The following KDM1A variants were observed in gnomAD, a reference collection of about 807,000 sequenced individuals.
KDM1A encodes lysine demethylase 1A.
In KDM1A, 49 loss-of-function variants were observed where a neutral mutation model predicts 109.4. The observed-to-expected ratio is 0.45, with a 90% CI of 0.36 to 0.57. The LOEUF (loss-of-function observed/expected upper bound fraction) is 0.57. Among genes scored for constraint, KDM1A ranks in the 20% least tolerant of loss-of-function variants. KDM1A has a pLI of 0.00. For synonymous variants in KDM1A, 380 were observed against 415.4 expected (o/e 0.91, Z 1.04); for missense variants, 668 against 1,116.6 (o/e 0.60, Z 5.73).
chr1:23,083,643 TTTTG>T lies in KDM1A; in HGVS notation c.*283_*286del, dbSNP rs755283892. On this transcript the variant is annotated 3_prime_UTR_variant, in exon 21 of 21. Coordinates refer to ENST00000400181, the MANE Select transcript of KDM1A (RefSeq NM_001009999.3). ...ATCTTAGTCCCTTGGTGTGTGGGGT[TTTTG>T]TTTTTTTTTTATATTTTGAGAATAA... 1.4e-4 allele frequency: 32 copies of T among 233,336 alleles called. No homozygotes were observed. The highest frequency in any genetic ancestry group is 1.4e-4 in the African/African-American group (4 of 29,516). The allele number at this position is 233,336 out of a possible 1,614,324, so 14.5% of individuals were successfully genotyped here. A position where few individuals can be genotyped will look rare whatever the true frequency, so the allele number is the denominator to read the frequency against.
intron 2 of KDM1A, among the ~76,000 whole-genome samples, chr1:23,040,593 C>T (rs947604390): frequency 4.0e-5 from 6 of 150,854 alleles, no homozygotes; most frequent in African/African-American, 1.2e-4. Context: ...CAAAAACAGC[C>T]TGGGCAACAT....
At chr1:23,056,075 T>C (rs888263190) in intron 7 of KDM1A, 37 bp downstream of exon 7, 4 of 1,354,604 alleles carry the variant, frequency 3.0e-6, no homozygotes, top group Non-Finnish European at 4.2e-6. Context: ...GCTTGACCTA[T>C]TGGAAATATG....
chr1:23,026,969 G>C (rs1247669681), intron 1 of KDM1A, among the ~76,000 whole-genome samples: 1 of 151,970 alleles, frequency 6.6e-6, no homozygotes, highest in Non-Finnish European at 1.5e-5. Flanking sequence ...TTTCTCAGGG[G>C]AATAGTTTTT....
intron 16 of KDM1A, among the ~76,000 whole-genome samples, chr1:23,078,006 A>G (rs886079865): frequency 2.0e-5 from 3 of 152,140 alleles, no homozygotes; most frequent in African/African-American, 7.2e-5. Context: ...AGTGCAGACA[A>G]CTGTTGGATT....
rs1265619269 is a variant in KDM1A, at chr1:23,019,814, G to A, written c.218G>A (p.Gly73Asp). The change falls in exon 1 of 21, where the codon GGC becomes GAC. Residue 73 changes from glycine (G) to aspartate (D), a missense_variant. Transcript: ENST00000400181. ...CCTCCGCGGGCCTCGCCCCCCGGGG[G>A]CCTGGCGGAACCGCCGGGGTCCGCA... is the stretch of plus-strand genomic sequence containing the variant. ...KEPPRASPPGGLAEPPGSAGP... is the reference protein window; with the variant it reads ...KEPPRASPPGDLAEPPGSAGP... The A allele has an allele frequency of 7.1e-7, 1 of 1,415,646 alleles. No individual in the cohort carries two copies. Among genetic ancestry groups the A allele is most frequent in the Non-Finnish European group, 9.2e-7 (1 of 1,085,430 alleles). 87.7% of individuals were successfully genotyped at this position (1,415,646 alleles called of 1,614,324 possible).
At chr1:23,067,216 G>A (rs1557576964) in intron 10 of KDM1A, among the ~76,000 whole-genome samples, 2 of 152,188 alleles carry the variant, frequency 1.3e-5, no homozygotes, top group Non-Finnish European at 1.5e-5. Flanking sequence ...TCCCTCCCAT[G>A]TATAGTCTTT....
At chr1:23,026,351 A>T (rs957616585) in intron 1 of KDM1A, among the ~76,000 whole-genome samples, 1 of 150,622 alleles carries the variant, frequency 6.6e-6, no homozygotes, top group African/African-American at 2.4e-5. Flanking sequence ...GAAAGGAAAA[A>T]GTTTTGTTTT....
At chr1:23,024,249 A>G (rs1358648270) in intron 1 of KDM1A, among the ~76,000 whole-genome samples, 1 of 152,174 alleles carries the variant, frequency 6.6e-6, no homozygotes, top group Admixed American at 6.5e-5. Context: ...CTTTCAGGAA[A>G]AAAATTAGTT....
chr1:23,040,799 A>T (rs963874831), intron 2 of KDM1A, among the ~76,000 whole-genome samples: 1 of 152,122 alleles, frequency 6.6e-6, no homozygotes, highest in African/African-American at 2.4e-5. Context: ...AAAAATAATT[A>T]AAAAATTAAA....
intron 2 of KDM1A, among the ~76,000 whole-genome samples, chr1:23,038,240 G>A (rs1642205884): frequency 7.3e-6 from 1 of 137,700 alleles, no homozygotes; most frequent in African/African-American, 2.6e-5. Context: ...AACTTTTTAA[G>A]CATCTGGAAC....
chr1:23,077,460 TTATGAC>T (rs1643499774), intron 16 of KDM1A, 100 bp downstream of exon 16: 1 of 1,254,832 alleles, frequency 8.0e-7, no homozygotes, highest in Non-Finnish European at 1.1e-6. Flanking sequence ...GATAGAGTGT[TTATGAC>T]ACCATAGGTA....
At chr1:23,023,391 A>G (rs1641700638) in intron 1 of KDM1A, among the ~76,000 whole-genome samples, 1 of 152,094 alleles carries the variant, frequency 6.6e-6, no homozygotes, top group Non-Finnish European at 1.5e-5. Context: ...ATTTTTGTAT[A>G]TGGTGTGAGG....
intron 1 of KDM1A, among the ~76,000 whole-genome samples, chr1:23,024,391 G>A (rs755010790): frequency 5.1e-4 from 77 of 152,282 alleles, no homozygotes; most frequent in Non-Finnish European, 9.6e-4. Flanking sequence ...GTATAGATAG[G>A]CCATGCTTCA....
Position 23,082,266 on chromosome 1 carries a change from G to A in KDM1A, c.2345G>A (p.Arg782Gln), listed in dbSNP as rs1569834441. 1 of 1,613,620 alleles carries A rather than the reference G, an allele frequency of 6.2e-7. No homozygotes were observed. The highest frequency in any genetic ancestry group is 8.5e-7 in the Non-Finnish European group (1 of 1,179,912). ...VSRWRADPWA[R>Q]GSYSYVAAGS... ...CGTTGGCGTGCTGATCCCTGGGCTC[G>A]GGGCTCTTATTCCTATGTTGCTGCA... The change falls in exon 20 of 21, where the codon CGG becomes CAG. Residue 782 changes from arginine to glutamine, a missense_variant. Physicochemically the swap from Arg to Gln is conservative, Grantham distance 43 (BLOSUM62 1). This residue lies in a region of KDM1A where 162 missense variants were observed against 376.4 expected (regional missense o/e 0.43). Transcript: ENST00000400181.
chr1:23,027,549 A>C (rs113574385), intron 1 of KDM1A, among the ~76,000 whole-genome samples: 3 of 117,200 alleles, frequency 2.6e-5, no homozygotes, highest in Non-Finnish European at 4.9e-5. Flanking sequence ...CAGCCTCCTT[A>C]GTAGCTGGAA....
At chr1:23,053,683 G>C (rs1286614947) in intron 4 of KDM1A, 78 bp from the exon 5 acceptor site, 6 of 991,312 alleles carry the variant, frequency 6.1e-6, no homozygotes, top group Non-Finnish European at 9.5e-6. Context: ...ACTGCAGCCA[G>C]CTAAAAGATG....
chr1:23,081,333 CGT>C (rs1260332117), intron 18 of KDM1A, 111 bp from the exon 19 acceptor site: 18 of 1,190,018 alleles, frequency 1.5e-5, no homozygotes, highest in East Asian at 7.1e-5. Flanking sequence ...AATGGTACTG[CGT>C]GTGTCTTGTC....
intron 2 of KDM1A, among the ~76,000 whole-genome samples, chr1:23,031,493 C>T (rs1641979172): frequency 1.3e-5 from 2 of 152,024 alleles, no homozygotes; most frequent in East Asian, 3.9e-4. Context: ...GGTTTCAGAC[C>T]CCATCTGCTA....
intron 9 of KDM1A, among the ~76,000 whole-genome samples, chr1:23,059,901 C>T (rs1399563943): frequency 1.3e-5 from 2 of 152,116 alleles, no homozygotes; most frequent in Non-Finnish European, 1.5e-5. Flanking sequence ...TGGTGATTTC[C>T]TATGTATACG....
Sources: gnomAD v4.1 joint callset for allele counts (sites outside exome capture counted in the v4.1 genomes callset) on GRCh38, gnomAD v4.1.1 for gene constraint, gnomAD v4.1.1 regional missense constraint, MANE v1.5 for transcripts, NCBI Gene and HGNC (gene_info 2026-07-23, HGNC 2026-07-21) for gene names.